The following LARGE1 variants were observed in gnomAD, a reference collection of about 807,000 sequenced individuals.
LARGE1 encodes LARGE xylosyl- and glucuronyltransferase 1.
LARGE1 carries 43 observed loss-of-function variants against 87.6 expected under a neutral mutation model. The ratio of observed to expected loss-of-function variants is 0.49; its 90% CI spans 0.38 to 0.63. The LOEUF (loss-of-function observed/expected upper bound fraction) is 0.63, where lower values mean the gene tolerates loss of function less well. LARGE1 is among the 30% of genes least tolerant of loss of function. The probability of loss-of-function intolerance (pLI) is 0.00; values close to 1 mark genes in which losing one functional copy is unlikely to be tolerated. For synonymous variants in LARGE1, 434 were observed against 394.6 expected (o/e 1.10, Z -1.18); for missense variants, 802 against 1,000.2 (o/e 0.80, Z 2.67).
chr22:33,776,085 T>C (rs2085227961), intron 1 of LARGE1, among the ~76,000 whole-genome samples: 1 of 152,192 alleles, frequency 6.6e-6, no homozygotes. Context: ...ACCAAGCACA[T>C]GCACAAAAGA....
rs144593542 is a variant in LARGE1, at chr22:33,327,099, T to A, written c.1287+10547A>T. Among the ~76,000 whole-genome samples the A allele has an allele frequency of 8.9e-3, 1,353 of 152,330 alleles. 19 individuals are homozygous for A. Among genetic ancestry groups the A allele is most frequent in the African/African-American group, 0.03 (1,266 of 41,584 alleles). Reference sequence around the variant, plus strand: ...GAGCAGGAATGCATTCTGGGCTTTCTCCGGGATTCTTCTGAGATACAGCTG... The same window carrying A: ...GAGCAGGAATGCATTCTGGGCTTTCACCGGGATTCTTCTGAGATACAGCTG... On this transcript the variant is annotated intron_variant, in intron 10 of 14. Transcript: ENST00000397394.
intron 7 of LARGE1, among the ~76,000 whole-genome samples, chr22:33,429,907 C>T (rs570575387): frequency 2.6e-5 from 4 of 152,134 alleles, no homozygotes; most frequent in Non-Finnish European, 5.9e-5. Context: ...GAGAAAACAG[C>T]GTCTGGGAGA....
chr22:33,365,738 T>C (rs2064563655), intron 9 of LARGE1, among the ~76,000 whole-genome samples: 1 of 151,810 alleles, frequency 6.6e-6, no homozygotes, highest in Non-Finnish European at 1.5e-5. Flanking sequence ...TGCCTTAGCC[T>C]CCTGAGTAGC....
the LARGE1 span, among the ~76,000 whole-genome samples, chr22:33,073,124 G>A: frequency 6.6e-6 from 1 of 152,216 alleles, no homozygotes; most frequent in South Asian, 2.1e-4. Context: ...CCCATATGGG[G>A]TGGGGTAGTG....
At chr22:33,104,947 C>CTT in the LARGE1 span, among the ~76,000 whole-genome samples, 119 of 119,676 alleles carry the variant, frequency 9.9e-4, no homozygotes, top group East Asian at 3.6e-3. Context: ...TTCTTTCTTT[C>CTT]TCTTTCTCTC....
intron 1 of LARGE1, among the ~76,000 whole-genome samples, chr22:33,842,477 G>A (rs738949): frequency 6.6e-6 from 1 of 151,932 alleles, no homozygotes; most frequent in Non-Finnish European, 1.5e-5. Flanking sequence ...TTCATATCTT[G>A]AGCAATTGTA....
intron 6 of LARGE1, among the ~76,000 whole-genome samples, chr22:33,523,020 T>C (rs1285911474): frequency 1.3e-5 from 2 of 151,876 alleles, no homozygotes; most frequent in African/African-American, 2.4e-5. Context: ...TGTTTTGTTT[T>C]TGAAATGGAG....
chr22:33,207,465 C>CT (rs765526870), intron 11 of LARGE1, among the ~76,000 whole-genome samples: 41 of 152,180 alleles, frequency 2.7e-4, no homozygotes, highest in South Asian at 4.1e-4. Context: ...TATTCCCCTT[C>CT]TGCCCCCAGG....
intron 11 of LARGE1, among the ~76,000 whole-genome samples, chr22:33,220,578 T>A (rs759931329): frequency 6.6e-6 from 1 of 152,210 alleles, no homozygotes; most frequent in Non-Finnish European, 1.5e-5. Flanking sequence ...TTCACTTTCC[T>A]GATCCATAAA....
At chr22:33,819,455 G>A (rs2086754807) in intron 1 of LARGE1, among the ~76,000 whole-genome samples, 2 of 151,730 alleles carry the variant, frequency 1.3e-5, no homozygotes, top group African/African-American at 4.8e-5. Context: ...ACCATCCAGG[G>A]CAACTCCAGC....
At chr22:33,833,426 G>A (rs1428338904) in intron 1 of LARGE1, among the ~76,000 whole-genome samples, 3 of 152,118 alleles carry the variant, frequency 2.0e-5, no homozygotes, top group Non-Finnish European at 2.9e-5. Flanking sequence ...ATAAGAAGAG[G>A]AGATAAGGAT....
intron 1 of LARGE1, among the ~76,000 whole-genome samples, chr22:33,865,276 C>A (rs550772176): frequency 6.6e-6 from 1 of 152,210 alleles, no homozygotes; most frequent in Non-Finnish European, 1.5e-5. Flanking sequence ...TTCCCTCCAG[C>A]AAGACTGCAG....
At chr22:33,422,343 G>A (rs1409239292) in intron 7 of LARGE1, among the ~76,000 whole-genome samples, 1 of 152,106 alleles carries the variant, frequency 6.6e-6, no homozygotes, top group African/African-American at 2.4e-5. Flanking sequence ...CATTTCATTG[G>A]CTCACGGTTC....
chr22:33,287,125 T>C (rs2145936412), intron 12 of LARGE1, among the ~76,000 whole-genome samples: 1 of 152,358 alleles, frequency 6.6e-6, no homozygotes, highest in Middle Eastern at 3.4e-3. Flanking sequence ...CCTGGTTAAT[T>C]GCTGTCTTAT....
chr22:33,327,593 T>C (rs981500181), intron 10 of LARGE1, among the ~76,000 whole-genome samples: 2 of 152,322 alleles, frequency 1.3e-5, no homozygotes, highest in South Asian at 2.1e-4. Context: ...TCTTGCTCTG[T>C]CGCTCAGGCT....
chr22:33,120,072 TA>T, the LARGE1 span, among the ~76,000 whole-genome samples: 1 of 152,240 alleles, frequency 6.6e-6, no homozygotes, highest in East Asian at 1.9e-4. Context: ...CAGGAACCCA[TA>T]TTTGAAATTA....
At chr22:33,204,773 T>C (rs12484476) in intron 11 of LARGE1, among the ~76,000 whole-genome samples, 39,786 of 152,002 alleles carry the variant, frequency 0.26, 5,543 homozygotes, top group South Asian at 0.4. Flanking sequence ...GTTCCCCTTG[T>C]GCTGTGTTCA....
rs1275401055 is a variant in LARGE1 at position 33,796,311 on chromosome 22, G to T, written c.-82-34753C>A. Among the ~76,000 whole-genome samples the T allele has an allele frequency of 2.0e-5, 3 of 152,186 alleles. No individual in the cohort carries two copies. In the East Asian group the frequency reaches 5.8e-4, roughly 29 times the overall value. On this transcript the variant is annotated intron_variant, in intron 1 of 14. Transcript: ENST00000397394. ...CTAAGAGTTGGTTTCAACGAGAAGT[G>T]GAGAATACGCAGCTAGGGATTCAGA...
chr22:33,700,450 G>A (rs1461594320), intron 2 of LARGE1, among the ~76,000 whole-genome samples: 2 of 152,184 alleles, frequency 1.3e-5, no homozygotes, highest in East Asian at 3.9e-4. Flanking sequence ...ATCCAAAGTG[G>A]TATGTGTGTA....
Sources: gnomAD v4.1 joint callset for allele counts (sites outside exome capture counted in the v4.1 genomes callset) on GRCh38, gnomAD v4.1.1 for gene constraint, MANE v1.5 for transcripts, NCBI Gene and HGNC (gene_info 2026-07-23, HGNC 2026-07-21) for gene names.